Variants in PLEKHH2 observed in about 807,000 individuals in gnomAD.
PLEKHH2 encodes the protein pleckstrin homology domain-containing family H member 2.
Under a neutral mutation model 187.9 loss-of-function variants are expected in PLEKHH2, and 129 were observed. That is an observed-to-expected ratio of 0.69 (90% CI 0.59 to 0.79). The LOEUF is 0.79. PLEKHH2 is among the 30% of genes least tolerant of loss of function. The pLI is 0.00. For missense variants in PLEKHH2, 2,076 were observed against 1,751.2 expected, an observed-to-expected ratio of 1.19 and a Z score of -3.31; for synonymous variants, 686 against 605.6, an observed-to-expected ratio of 1.13 and a Z score of -1.95.
In PLEKHH2 at chr2:43,710,329, C is replaced by G. The variant is rs781572869; in HGVS notation, c.2213C>G (p.Pro738Arg). Residue 738 changes from proline (P) to arginine (R), a missense_variant and splice_region_variant, in exon 13 of 30, where the codon CCG becomes CGG. Coordinates refer to ENST00000282406, the MANE Select transcript of PLEKHH2 (RefSeq NM_172069.4). The part of the protein sequence containing the change: ...KGGELLYYKS[P>R]SDVIRKPQGH... ...GGTGAATTACTTTACTACAAATCTCCGGTGAGTGGAAAGTGTTTTCTGTTT... is the reference window on the plus strand; with the variant it reads ...GGTGAATTACTTTACTACAAATCTCGGGTGAGTGGAAAGTGTTTTCTGTTT... 7 of 1,612,518 alleles carry G rather than the reference C, an allele frequency of 4.3e-6. No homozygotes were observed. The highest frequency in any genetic ancestry group is 5.9e-6 in the Non-Finnish European group (7 of 1,178,670).
At position 43,706,531 on chromosome 2, in the gene PLEKHH2, T is replaced by C. The variant is rs892610584; in HGVS notation, c.1821+115T>C. On this transcript the variant is annotated intron_variant, in intron 10 of 29. Coordinates refer to ENST00000282406, the MANE Select transcript of PLEKHH2 (RefSeq NM_172069.4). ...ACATTTTACACAGGCTCTCCCTTTA[T>C]AGAAAGTTTTACAAGTTCACGTTAA... 11 of 749,974 alleles carry C rather than the reference T, an allele frequency of 1.5e-5. No individual in the cohort carries two copies. The African/African-American group carries it at 1.8e-4, about 12-fold the overall frequency. The allele number at this position is 749,974 out of a possible 1,614,324, so 46.5% of individuals were successfully genotyped here.
Position 43,757,178 on chromosome 2 carries a change from G to A in PLEKHH2, c.3855G>A (p.Gln1285=), listed in dbSNP as rs146490011. 4 of 1,605,600 alleles carry A rather than the reference G, an allele frequency of 2.5e-6. No individual in the cohort carries two copies. Among genetic ancestry groups the A allele is most frequent in the African/African-American group, 1.3e-5 (1 of 74,506 alleles). The part of the protein sequence containing the change: ...FSTPAGHVTN[Q]CKVNQTLKQV... ...CTCCAGCAGGGCATGTTACCAATCAGTGCAAAGTGAATCAAACTCTAAAGC... is the reference window on the plus strand; with the variant it reads ...CTCCAGCAGGGCATGTTACCAATCAATGCAAAGTGAATCAAACTCTAAAGC... The change falls in exon 26 of 30, where the codon CAG becomes CAA. Residue 1285 remains glutamine, a synonymous_variant. Coordinates refer to ENST00000282406, the MANE Select transcript of PLEKHH2 (RefSeq NM_172069.4).
At chr2:43,745,806 T>C in intron 23 of PLEKHH2, 60 bp from the exon 24 acceptor site, 1 of 1,307,454 alleles carries the variant, frequency 7.6e-7, no homozygotes, top group East Asian at 2.4e-5. Context: ...AGCACACTTG[T>C]CTTCAAAAAA....
chr2:43,656,377 A>G (rs189107476), intron 2 of PLEKHH2, among the ~76,000 whole-genome samples: 2 of 152,306 alleles, frequency 1.3e-5, no homozygotes, highest in East Asian at 3.9e-4. Context: ...AAAGCTCTGT[A>G]CTTTTTATGA....
At chr2:43,759,083 A>C (rs1672330633) in intron 27 of PLEKHH2, 54 bp downstream of exon 27, 1 of 1,566,356 alleles carries the variant, frequency 6.4e-7, no homozygotes, top group Non-Finnish European at 8.7e-7. Context: ...TACATAGTTG[A>C]CCAGATTTAC....
intron 3 of PLEKHH2, among the ~76,000 whole-genome samples, chr2:43,684,043 T>C (rs1668372410): frequency 6.6e-6 from 1 of 152,174 alleles, no homozygotes; most frequent in Non-Finnish European, 1.5e-5. Flanking sequence ...TGACACATCA[T>C]TGTTACCCAA....
intron 8 of PLEKHH2, among the ~76,000 whole-genome samples, 174 bp from the exon 9 acceptor site, chr2:43,703,807 A>G (rs1378671902): frequency 6.6e-6 from 1 of 152,070 alleles, no homozygotes; most frequent in Non-Finnish European, 1.5e-5. Context: ...CAACAGTACT[A>G]TTCACAATGG....
At chr2:43,707,361 T>A in intron 10 of PLEKHH2, 40 bp from the exon 11 acceptor site, 1 of 1,611,980 alleles carries the variant, frequency 6.2e-7, no homozygotes, top group Non-Finnish European at 8.5e-7. Flanking sequence ...AGTGGTAACA[T>A]TAGGGATGGA....
chr2:43,732,399 A>G (rs1206651722), intron 19 of PLEKHH2, among the ~76,000 whole-genome samples: 2 of 151,758 alleles, frequency 1.3e-5, no homozygotes, highest in East Asian at 3.9e-4. Context: ...TTAGCTCCCA[A>G]CTCACATTCT....
chr2:43,744,243 T>C, intron 23 of PLEKHH2: 2 of 761,644 alleles, frequency 2.6e-6, no homozygotes, highest in Non-Finnish European at 1.8e-6. Context: ...ACTCTAAGTA[T>C]TAGGATAATA....
chr2:43,755,880 G>A (rs992083159), intron 25 of PLEKHH2, among the ~76,000 whole-genome samples: 1 of 152,154 alleles, frequency 6.6e-6, no homozygotes, highest in Non-Finnish European at 1.5e-5. Context: ...GGAAACTGCT[G>A]TTTTCTTAAG....
chr2:43,690,405 G>C (rs1316566634), intron 3 of PLEKHH2, among the ~76,000 whole-genome samples: 1 of 151,336 alleles, frequency 6.6e-6, no homozygotes, highest in Non-Finnish European at 1.5e-5. Flanking sequence ...TATTTAAATA[G>C]AACAGTTTTG....
At chr2:43,703,720 G>A (rs1176981285) in intron 8 of PLEKHH2, among the ~76,000 whole-genome samples, 4 of 151,940 alleles carry the variant, frequency 2.6e-5, no homozygotes, top group Non-Finnish European at 2.9e-5. Flanking sequence ...TTTTCTTCAC[G>A]TCTTCAAAAT....
At chr2:43,717,409 C>T (rs1007871085) in intron 15 of PLEKHH2, among the ~76,000 whole-genome samples, 12 of 134,644 alleles carry the variant, frequency 8.9e-5, no homozygotes, top group Non-Finnish European at 1.6e-4. Flanking sequence ...CTGAGTGAGA[C>T]TCCACCTCAA....
At chr2:43,694,105 C>T (rs1668969026) in intron 4 of PLEKHH2, among the ~76,000 whole-genome samples, 1 of 152,100 alleles carries the variant, frequency 6.6e-6, no homozygotes, top group South Asian at 2.1e-4. Context: ...TTCTCTTCTC[C>T]CCAACGTGGT....
At position 43,710,583 on chromosome 2, in the gene PLEKHH2, A is replaced by ATTTT; in HGVS notation, c.2301+8_2301+9insTTTT. On this transcript the variant is annotated intron_variant, in intron 14 of 29. Coordinates refer to ENST00000282406, the MANE Select transcript of PLEKHH2 (RefSeq NM_172069.4). ...AACAAACAAACAGTTCAGGTACTTA[A>ATTTT]CTTTTTTTTTTTTTTTTTTTTTTTT... 1 of 1,411,160 alleles carries ATTTT rather than the reference A, an allele frequency of 7.1e-7. No homozygotes were observed. The allele number at this position is 1,411,160 out of a possible 1,614,324, so 87.4% of individuals were successfully genotyped here. A position where few individuals can be genotyped will look rare whatever the true frequency, so the allele number is the denominator to read the frequency against.
intron 19 of PLEKHH2, among the ~76,000 whole-genome samples, chr2:43,735,900 T>C (rs1671268608): frequency 6.6e-6 from 1 of 152,166 alleles, no homozygotes; most frequent in African/African-American, 2.4e-5. Context: ...AATACATAGA[T>C]ACTTCAACAT....
chr2:43,718,968 G>T (rs530715355), intron 15 of PLEKHH2, among the ~76,000 whole-genome samples: 14 of 152,210 alleles, frequency 9.2e-5, no homozygotes, highest in Admixed American at 4.6e-4. Flanking sequence ...AGGCTGACTG[G>T]GTTTATGAGT....
At chr2:43,719,851 T>G (rs532248533) in intron 15 of PLEKHH2, among the ~76,000 whole-genome samples, 29 of 152,288 alleles carry the variant, frequency 1.9e-4, no homozygotes, top group Admixed American at 1.8e-3. Flanking sequence ...CTTTCTCTTT[T>G]TTTATGTTAA....
Sources: gnomAD v4.1 joint callset for allele counts (sites outside exome capture counted in the v4.1 genomes callset) on GRCh38, gnomAD v4.1.1 for gene constraint, MANE v1.5 for transcripts, NCBI Gene and HGNC (gene_info 2026-07-23, HGNC 2026-07-21) for gene names.